The following ZNF536 variants were observed in gnomAD, a reference collection of about 807,000 sequenced individuals.
The protein encoded by ZNF536 is zinc finger protein 536.
In ZNF536, 13 loss-of-function variants were observed where a neutral mutation model predicts 84.5. The observed-to-expected ratio is 0.15, with a 90% confidence interval of 0.10 to 0.24. The LOEUF is 0.24. Ranked by LOEUF, ZNF536 falls within the 10% of genes least tolerant of loss-of-function variation. The probability of loss-of-function intolerance (pLI) is 1.00; values close to 1 mark genes in which losing one functional copy is unlikely to be tolerated. For missense variants in ZNF536, 1,536 were observed against 1,747.5 expected, an observed-to-expected ratio of 0.88 and a Z score of 2.16; for synonymous variants, 811 against 742.5, an observed-to-expected ratio of 1.09 and a Z score of -1.50.
At chr19:30,624,692 A>C (rs570480619) in intron 1 of ZNF536, among the ~76,000 whole-genome samples, 1 of 152,280 alleles carries the variant, frequency 6.6e-6, no homozygotes, top group South Asian at 2.1e-4. Context: ...GGGCTCAGCC[A>C]TCAGGGTGTG....
intron 2 of ZNF536, among the ~76,000 whole-genome samples, chr19:30,532,068 G>A (rs1037236265): frequency 6.6e-6 from 1 of 152,138 alleles, no homozygotes; most frequent in African/African-American, 2.4e-5. Flanking sequence ...TCTGGAAGAA[G>A]CTTTATGGGA....
At chr19:30,581,516 G>A (rs1233849714) in intron 1 of ZNF536, among the ~76,000 whole-genome samples, 1 of 152,138 alleles carries the variant, frequency 6.6e-6, no homozygotes, top group Non-Finnish European at 1.5e-5. Context: ...GCTTGTGGTG[G>A]TTGAAGATTT....
At chr19:30,392,937 G>A (rs2049660079) in intron 1 of ZNF536, among the ~76,000 whole-genome samples, 1 of 152,142 alleles carries the variant, frequency 6.6e-6, no homozygotes, top group Non-Finnish European at 1.5e-5. Flanking sequence ...TGTGAATGCT[G>A]AATACTCAAT....
At chr19:30,634,447 C>T (rs2048994174) in intron 1 of ZNF536, among the ~76,000 whole-genome samples, 3 of 152,018 alleles carry the variant, frequency 2.0e-5, no homozygotes, top group African/African-American at 4.8e-5. Flanking sequence ...AAAATGATTA[C>T]CCTTGAGAAG....
chr19:30,574,314 G>A (rs2046653266), intron 1 of ZNF536, among the ~76,000 whole-genome samples: 1 of 152,204 alleles, frequency 6.6e-6, no homozygotes, highest in Non-Finnish European at 1.5e-5. Context: ...AAGACTGGGG[G>A]AAGAGACCCT....
chr19:30,645,459 C>T (rs1306835058), intron 1 of ZNF536, among the ~76,000 whole-genome samples: 1 of 152,118 alleles, frequency 6.6e-6, no homozygotes, highest in African/African-American at 2.4e-5. Flanking sequence ...GGAATCAATG[C>T]CTTGGTGCCT....
At chr19:30,308,518 C>T (rs1047136677) in intron 2 of ZNF536, among the ~76,000 whole-genome samples, 2 of 152,000 alleles carry the variant, frequency 1.3e-5, no homozygotes, top group East Asian at 1.9e-4. Context: ...TTGAGTTGGG[C>T]GCCATCTTGG....
intron 1 of ZNF536, among the ~76,000 whole-genome samples, chr19:30,683,162 T>C (rs983541582): frequency 3.9e-5 from 6 of 152,094 alleles, no homozygotes; most frequent in African/African-American, 1.4e-4. Context: ...AAGACCACCT[T>C]TATGGCTGCG....
At chr19:30,705,714 C>T (rs535766864) in intron 1 of ZNF536, among the ~76,000 whole-genome samples, 7 of 152,288 alleles carry the variant, frequency 4.6e-5, no homozygotes, top group African/African-American at 1.4e-4. Flanking sequence ...TTACTAGATA[C>T]ACTGCAAGAT....
At position 30,671,402 on chromosome 19, in the gene ZNF536, G is replaced by A. The variant is rs76142728; in HGVS notation, c.170-39355G>A. On this transcript the variant is annotated intron_variant, in intron 1 of 1. Transcript: ENST00000592773. Reference sequence around the variant, plus strand: ...GTCTGTCCTAGAGCAAATGCAGAGGGTGTGGAAGCAGTGACCAGGGACAGG... The same window carrying A: ...GTCTGTCCTAGAGCAAATGCAGAGGATGTGGAAGCAGTGACCAGGGACAGG... Among the ~76,000 whole-genome samples the A allele has an allele frequency of 1.2e-3, 190 of 152,350 alleles. 1 individual carries two copies. In the East Asian group the frequency reaches 0.027, roughly 21 times the overall value.
chr19:30,270,612 G>A (rs553837124), intron 1 of ZNF536, among the ~76,000 whole-genome samples: 11 of 152,314 alleles, frequency 7.2e-5, no homozygotes, highest in East Asian at 1.9e-4. Context: ...ATATATTCGC[G>A]TCTTTTAGAG....
intron 2 of ZNF536, among the ~76,000 whole-genome samples, chr19:30,341,878 C>T (rs541059065): frequency 6.6e-6 from 1 of 152,258 alleles, no homozygotes; most frequent in East Asian, 1.9e-4. Flanking sequence ...GCAAGATAGT[C>T]TGAAAGATAG....
At chr19:30,282,335 C>T (rs1271370951) in intron 1 of ZNF536, among the ~76,000 whole-genome samples, 1 of 152,244 alleles carries the variant, frequency 6.6e-6, no homozygotes, top group African/African-American at 2.4e-5. Context: ...AATGTAGCCA[C>T]GAGGCTTGTG....
intron 1 of ZNF536, among the ~76,000 whole-genome samples, chr19:30,673,780 A>G (rs911788720): frequency 6.6e-6 from 1 of 152,166 alleles, no homozygotes; most frequent in Non-Finnish European, 1.5e-5. Context: ...CCCCATGTTT[A>G]TAGGTAAAAT....
chr19:30,640,974 A>G (rs1432940931), intron 1 of ZNF536, among the ~76,000 whole-genome samples: 1 of 152,198 alleles, frequency 6.6e-6, no homozygotes, highest in East Asian at 1.9e-4. Context: ...TGAAAACCCT[A>G]TGCAGCTGTA....
At chr19:30,424,090 G>T (rs1050218609) in intron 1 of ZNF536, among the ~76,000 whole-genome samples, 32 of 152,214 alleles carry the variant, frequency 2.1e-4, no homozygotes, top group African/African-American at 7.0e-4. Flanking sequence ...GCTGATGCTG[G>T]CCAGGGGACA....
At chr19:30,504,018 A>G (rs2055057220) in intron 2 of ZNF536, among the ~76,000 whole-genome samples, 1 of 152,032 alleles carries the variant, frequency 6.6e-6, no homozygotes, top group African/African-American at 2.4e-5. Flanking sequence ...TGTAACTGAT[A>G]AGGAGTTAAT....
intron 2 of ZNF536, among the ~76,000 whole-genome samples, chr19:30,514,811 C>T (rs548838559): frequency 7.2e-5 from 11 of 152,196 alleles, no homozygotes; most frequent in African/African-American, 1.4e-4. Context: ...TTGTTGACTC[C>T]GGCTCTGGGT....
At chr19:30,614,069 G>A (rs554913802) in intron 1 of ZNF536, among the ~76,000 whole-genome samples, 1 of 152,152 alleles carries the variant, frequency 6.6e-6, no homozygotes, top group Non-Finnish European at 1.5e-5. Context: ...TGCCATATTG[G>A]CCAGGCTAGT....
Sources: gnomAD v4.1 joint callset for allele counts (sites outside exome capture counted in the v4.1 genomes callset) on GRCh38, gnomAD v4.1.1 for gene constraint, MANE v1.5 for transcripts, NCBI Gene and HGNC (gene_info 2026-07-23, HGNC 2026-07-21) for gene names.